The following RABGAP1 variants were observed in gnomAD, a reference collection of about 807,000 sequenced individuals.
RABGAP1 encodes the protein rab GTPase-activating protein 1.
RABGAP1 carries 23 observed loss-of-function variants against 137.6 expected under a neutral mutation model. That is an observed-to-expected ratio of 0.17 (90% CI 0.12 to 0.24). The LOEUF is 0.24. Ranked by LOEUF, RABGAP1 falls within the 10% of genes least tolerant of loss-of-function variation. The pLI is 1.00. For synonymous variants in RABGAP1, 451 were observed against 450.7 expected, an observed-to-expected ratio of 1.00 and a Z score of -0.01; for missense variants, 906 against 1,275.8, an observed-to-expected ratio of 0.71 and a Z score of 4.42.
At chr9:123,001,166 AACCAG>A (rs1179341704) in intron 10 of RABGAP1, among the ~76,000 whole-genome samples, 1 of 152,076 alleles carries the variant, frequency 6.6e-6, no homozygotes, top group Non-Finnish European at 1.5e-5. Flanking sequence ...TTATTTTTTT[AACCAG>A]ACTTTTACAT....
At chr9:122,932,201 G>C in the RABGAP1 span, among the ~76,000 whole-genome samples, 12 of 152,110 alleles carry the variant, frequency 7.9e-5, no homozygotes, top group Admixed American at 7.2e-4. Context: ...ACTGGTTTTT[G>C]ACCATTCTTT....
At chr9:123,028,979 C>A (rs1396189028) in intron 13 of RABGAP1, among the ~76,000 whole-genome samples, 3 of 152,104 alleles carry the variant, frequency 2.0e-5, no homozygotes, top group South Asian at 4.1e-4. Flanking sequence ...TGCTTATTAT[C>A]TGTATTATCA....
intron 2 of RABGAP1, among the ~76,000 whole-genome samples, chr9:122,973,603 T>G (rs546996318): frequency 1.8e-3 from 269 of 152,322 alleles, no homozygotes; most frequent in African/African-American, 6.2e-3. Flanking sequence ...TTGACATTAT[T>G]TAGATGAAAG....
intron 13 of RABGAP1, among the ~76,000 whole-genome samples, chr9:123,063,731 G>T (rs1036138472): frequency 6.6e-6 from 1 of 152,130 alleles, no homozygotes; most frequent in Non-Finnish European, 1.5e-5. Context: ...AAAATTAATT[G>T]TCTTTCTCAT....
At chr9:123,097,961 C>A in intron 22 of RABGAP1, 116 bp downstream of exon 22, 2 of 822,942 alleles carry the variant, frequency 2.4e-6, no homozygotes, top group Non-Finnish European at 3.8e-6. Flanking sequence ...AGTTTCTTTC[C>A]AAAGACTTTT....
chr9:123,017,019 CT>C (rs2031282182), intron 12 of RABGAP1, among the ~76,000 whole-genome samples: 1 of 152,108 alleles, frequency 6.6e-6, no homozygotes, highest in Non-Finnish European at 1.5e-5. Context: ...TAAATGAACT[CT>C]GCAAAAAAAC....
At chr9:123,013,859 A>C (rs1190150810) in intron 11 of RABGAP1, among the ~76,000 whole-genome samples, 1 of 152,200 alleles carries the variant, frequency 6.6e-6, no homozygotes, top group Non-Finnish European at 1.5e-5. Context: ...TAGAGGTGTA[A>C]AGATCCAAAC....
chr9:122,944,250 G>T (rs992004199), intron 1 of RABGAP1, among the ~76,000 whole-genome samples: 1 of 150,954 alleles, frequency 6.6e-6, no homozygotes, highest in African/African-American at 2.4e-5. Context: ...TTTTAAAAGA[G>T]ATAGGGTTTT....
chr9:123,034,719 T>A, intron 13 of RABGAP1: 1 of 1,613,826 alleles, frequency 6.2e-7, no homozygotes, highest in Non-Finnish European at 8.5e-7. Flanking sequence ...TTGTGATTTT[T>A]GTATTTCACT....
In RABGAP1 at chr9:123,070,323, A is replaced by G; in HGVS notation, c.1909-27A>G. The G allele has an allele frequency of 6.2e-7, 1 of 1,613,364 alleles. No individual in the cohort carries two copies. Among genetic ancestry groups the G allele is most frequent in the Non-Finnish European group, 8.5e-7 (1 of 1,179,702 alleles). ...CCCACAAGTGGCTACATTCATTTAC[A>G]TTTCCTCTGTGTGTTTTATTTTCCA... On this transcript the variant is annotated intron_variant, in intron 14 of 25. Transcript: ENST00000373647. This position sits in a 1 kb window ranked among gnomAD's most constrained non-coding sequence, Gnocchi z 4.4.
intron 13 of RABGAP1, among the ~76,000 whole-genome samples, chr9:123,023,097 C>A (rs896654031): frequency 6.6e-6 from 1 of 152,234 alleles, no homozygotes; most frequent in East Asian, 1.9e-4. Flanking sequence ...ACTCATGTAC[C>A]TTTCTAGTCA....
intron 12 of RABGAP1, among the ~76,000 whole-genome samples, chr9:123,017,186 A>G (rs942762911): frequency 1.3e-5 from 2 of 152,240 alleles, no homozygotes; most frequent in African/African-American, 2.4e-5. Context: ...TTTCTGCTCT[A>G]AAACAGAAAC....
chr9:123,089,325 C>T (rs2034967860), intron 19 of RABGAP1, among the ~76,000 whole-genome samples: 1 of 152,302 alleles, frequency 6.6e-6, no homozygotes, highest in African/African-American at 2.4e-5. Context: ...CATAACCAAC[C>T]TCCTTATACC....
chr9:122,945,829 TTGAC>T (rs1301713017), intron 1 of RABGAP1, among the ~76,000 whole-genome samples: 1 of 152,172 alleles, frequency 6.6e-6, no homozygotes, highest in Non-Finnish European at 1.5e-5. Flanking sequence ...TAACAACAAT[TTGAC>T]TGTTTTAAAA....
chr9:122,945,502 A>G (rs537594429), intron 1 of RABGAP1: 1 of 152,212 alleles, frequency 6.6e-6, no homozygotes, highest in Admixed American at 6.5e-5. Context: ...TTTTCTGATC[A>G]CTATACAGTG....
chr9:122,934,071 CT>C, the RABGAP1 span, among the ~76,000 whole-genome samples: 5 of 150,066 alleles, frequency 3.3e-5, no homozygotes, highest in African/African-American at 1.2e-4. Flanking sequence ...CTAACCTTTT[CT>C]TTTCTTTTCT....
chr9:123,059,824 T>C (rs1156413022), intron 13 of RABGAP1, among the ~76,000 whole-genome samples: 9 of 152,180 alleles, frequency 5.9e-5, no homozygotes, highest in Non-Finnish European at 8.8e-5. Context: ...CCTCCCAGAC[T>C]GTAAAAACAA....
chr9:122,993,960 G>C (rs771211215), intron 6 of RABGAP1, among the ~76,000 whole-genome samples: 13 of 152,074 alleles, frequency 8.5e-5, no homozygotes, highest in Non-Finnish European at 1.5e-4. Context: ...CACCGTGCCC[G>C]ACCTAAATTG....
intron 1 of RABGAP1, among the ~76,000 whole-genome samples, chr9:122,950,377 C>CTTTTTTTTTTTTTTTTTTTTTTTTT (rs200424486): frequency 9.4e-4 from 70 of 74,492 alleles, no homozygotes; most frequent in African/African-American, 9.6e-4. Context: ...CTTTTTCTTT[C>CTTTTTTTTTTTTTTTTTTTTTTTTT]TTTTTTTTTT....
Sources: gnomAD v4.1 joint callset for allele counts (sites outside exome capture counted in the v4.1 genomes callset) on GRCh38, gnomAD v4.1.1 for gene constraint, Gnocchi (gnomAD v3.1) non-coding constraint, MANE v1.5 for transcripts, NCBI Gene and HGNC (gene_info 2026-07-23, HGNC 2026-07-21) for gene names.